RUFY1: variants seen among roughly 807,000 people sequenced by gnomAD.
The protein encoded by RUFY1 is RUN and FYVE domain containing 1.
In RUFY1, 54 loss-of-function variants were observed where a neutral mutation model predicts 94.6. That is an observed-to-expected ratio of 0.57 (90% CI 0.46 to 0.72). RUFY1 has a LOEUF of 0.72. RUFY1 is among the 30% of genes least tolerant of loss of function. RUFY1 has a pLI of 0.00. For missense variants in RUFY1, 883 were observed against 883.9 expected, an observed-to-expected ratio of 1.00 and a Z score of 0.01; for synonymous variants, 396 against 347.3, an observed-to-expected ratio of 1.14 and a Z score of -1.56.
rs528590086 is a variant in RUFY1 at position 179,583,789 on chromosome 5, G to A, written c.957-2007G>A. ...TTTTGAGACAGAGTCCTGCTCTGTC[G>A]CCCAGGCTGGAGTGCAGTGGCATGA... On this transcript the variant is annotated intron_variant, in intron 7 of 17. Transcript: ENST00000319449. 2.6e-3 allele frequency among the ~76,000 whole-genome samples: 383 copies of A among 149,728 alleles called. 4 individuals are homozygous for A. Among genetic ancestry groups the A allele is most frequent in the Non-Finnish European group, 4.3e-3 (289 of 67,534 alleles).
chr5:179,565,324 A>G (rs973037377), intron 3 of RUFY1, among the ~76,000 whole-genome samples: 2 of 152,072 alleles, frequency 1.3e-5, no homozygotes, highest in South Asian at 4.1e-4. Context: ...GATTATAGGC[A>G]TGAGCCACCA....
intron 11 of RUFY1, among the ~76,000 whole-genome samples, chr5:179,593,895 G>A (rs563304925): frequency 2.0e-5 from 3 of 152,218 alleles, no homozygotes; most frequent in South Asian, 2.1e-4. Flanking sequence ...GGGAGACGTG[G>A]GTCTTTTTAA....
Position 179,603,265 on chromosome 5 carries a change from CAAAA to C in RUFY1, c.1856+1288_1856+1291del, listed in dbSNP as rs11336898. ...GGGCAACAAAAGTGAGAATCCATCT[CAAAA>C]AAAAAAAACAAATAGCTGGTCAGGG... On this transcript the variant is annotated intron_variant, in intron 15 of 17. Coordinates refer to ENST00000319449, the MANE Select transcript of RUFY1 (RefSeq NM_025158.5). Among the ~76,000 whole-genome samples, 4 of 145,900 alleles carry C rather than the reference CAAAA, an allele frequency of 2.7e-5. No homozygotes were observed. The East Asian group carries it at 8.0e-4, about 29-fold the overall frequency.
At position 179,605,859 on chromosome 5, in the gene RUFY1, C is replaced by A. The variant is rs1554125883; in HGVS notation, c.1857-17C>A. On this transcript the variant is annotated splice_polypyrimidine_tract_variant and intron_variant, in intron 15 of 17. Transcript: ENST00000319449. ...CTCTCTCTCACTGCTATGAAATGGC[C>A]TTTTTTTTTTCCTTAGGTCCAAGCT... 2 of 1,392,116 alleles carry A rather than the reference C, an allele frequency of 1.4e-6. No homozygotes were observed. The highest frequency in any genetic ancestry group is 3.7e-5 in the Admixed American group (2 of 53,694). 86.2% of individuals were successfully genotyped at this position (1,392,116 alleles called of 1,614,324 possible). A position where few individuals can be genotyped will look rare whatever the true frequency, so the allele number is the denominator to read the frequency against.
chr5:179,596,524 A>G (rs1562082939), intron 12 of RUFY1, 38 bp from the exon 13 acceptor site: 1 of 1,613,306 alleles, frequency 6.2e-7, no homozygotes, highest in South Asian at 1.1e-5. Flanking sequence ...CCTTACAAAG[A>G]TTTGCTTCAT....
intron 1 of RUFY1, among the ~76,000 whole-genome samples, chr5:179,551,798 C>T (rs1338074270): frequency 6.6e-6 from 1 of 150,816 alleles, no homozygotes; most frequent in East Asian, 2.0e-4. Context: ...CAGGCTTGAG[C>T]CACCGCGCCC....
chr5:179,550,756 T>C lies in RUFY1; in HGVS notation c.187T>C (p.Ser63Pro). 2 of 1,442,386 alleles carry C rather than the reference T, an allele frequency of 1.4e-6. No individual in the cohort carries two copies. The highest frequency in any genetic ancestry group is 1.8e-6 in the Non-Finnish European group (2 of 1,097,466). The allele number at this position is 1,442,386 out of a possible 1,614,324, so 89.3% of individuals were successfully genotyped here. ...ATRPRAAEGW[S>P]APILTLARRA... ...GAGGCCGCGGGCGGCCGAGGGCTGGTCGGCGCCCATCCTGACCCTGGCACG... is the reference window on the plus strand; with the variant it reads ...GAGGCCGCGGGCGGCCGAGGGCTGGCCGGCGCCCATCCTGACCCTGGCACG... The change falls in exon 1 of 18, where the codon TCG becomes CCG. Residue 63 changes from serine to proline, a missense_variant. By Grantham distance (74) the Ser-to-Pro change is moderately conservative. Transcript: ENST00000319449.
chr5:179,602,303 T>G (rs1255619263), intron 15 of RUFY1: 2 of 298,232 alleles, frequency 6.7e-6, no homozygotes, highest in Non-Finnish European at 1.3e-5. Flanking sequence ...GATCGCTTGG[T>G]CAGCCTACAG....
chr5:179,602,146 A>G, intron 15 of RUFY1, 160 bp downstream of exon 15: 1 of 631,116 alleles, frequency 1.6e-6, no homozygotes, highest in South Asian at 1.9e-5. Context: ...CCGGCCTCAG[A>G]GGGGCCCAGC....
chr5:179,585,147 A>C (rs1463965011), intron 7 of RUFY1, among the ~76,000 whole-genome samples: 2 of 152,136 alleles, frequency 1.3e-5, no homozygotes, highest in African/African-American at 4.8e-5. Flanking sequence ...AACAAACAAA[A>C]AACACCTTGG....
intron 7 of RUFY1, among the ~76,000 whole-genome samples, chr5:179,582,333 T>G (rs1209315880): frequency 6.6e-6 from 1 of 151,728 alleles, no homozygotes; most frequent in Non-Finnish European, 1.5e-5. Context: ...TCCGGTGATT[T>G]GCCCACCTCA....
chr5:179,580,048 A>G (rs1326624837), intron 6 of RUFY1, among the ~76,000 whole-genome samples: 1 of 152,066 alleles, frequency 6.6e-6, no homozygotes, highest in African/African-American at 2.4e-5. Context: ...TAATTATGGA[A>G]CATATGTAAT....
chr5:179,588,527 C>T (rs13183244), intron 8 of RUFY1, among the ~76,000 whole-genome samples: 34,624 of 152,052 alleles, frequency 0.23, 4,826 homozygotes, highest in East Asian at 0.64. Context: ...AATAAGAGGT[C>T]CTCTTGGGCA....
intron 13 of RUFY1, chr5:179,598,420 GT>G: frequency 4.7e-6 from 2 of 425,086 alleles, no homozygotes; most frequent in East Asian, 8.7e-5. Context: ...TGTCGGGAGG[GT>G]TCTGCTTATG....
intron 3 of RUFY1, among the ~76,000 whole-genome samples, chr5:179,563,297 A>G (rs1480011445): frequency 6.6e-6 from 1 of 152,130 alleles, no homozygotes; most frequent in Non-Finnish European, 1.5e-5. Context: ...TAATAATAAT[A>G]ATAGCCACTG....
At chr5:179,599,169 A>G in intron 14 of RUFY1, 1 of 217,626 alleles carries the variant, frequency 4.6e-6, no homozygotes, top group Non-Finnish European at 9.0e-6. Flanking sequence ...AGGAGCAGAC[A>G]GCAGTGTGAG....
intron 15 of RUFY1, 67 bp from the exon 16 acceptor site, chr5:179,605,809 G>A: frequency 2.9e-6 from 3 of 1,038,644 alleles, no homozygotes; most frequent in Non-Finnish European, 4.5e-6. Context: ...CTGAGAGCCA[G>A]CTGTGTTAGG....
intron 4 of RUFY1, chr5:179,568,926 G>C (rs571002106): frequency 1.9e-6 from 1 of 531,762 alleles, no homozygotes; most frequent in Admixed American, 6.4e-5. Context: ...TTGGATGTGG[G>C]ATCCCATTTC....
At chr5:179,563,202 C>T (rs988183945) in intron 3 of RUFY1, among the ~76,000 whole-genome samples, 3 of 152,152 alleles carry the variant, frequency 2.0e-5, no homozygotes, top group African/African-American at 7.2e-5. Flanking sequence ...CAAAAGAACC[C>T]TCTGCAGAGT....
Sources: allele counts gnomAD v4.1 joint callset (sites outside exome capture counted in the v4.1 genomes callset), GRCh38; gene constraint gnomAD v4.1.1; transcripts MANE v1.5; gene names NCBI Gene and HGNC (gene_info 2026-07-23, HGNC 2026-07-21).